Variants in EML6 observed in about 807,000 individuals in gnomAD.
EML6 encodes EMAP like 6.
In EML6, 154 loss-of-function variants were observed where a neutral mutation model predicts 240.1. The ratio of observed to expected loss-of-function variants is 0.64; its 90% CI spans 0.56 to 0.73. The LOEUF (loss-of-function observed/expected upper bound fraction) is 0.73. Among genes scored for constraint, EML6 ranks in the 30% least tolerant of loss-of-function variants. The pLI, the probability that EML6 is intolerant of heterozygous loss-of-function variation, is 0.00. For synonymous variants in EML6, 1,148 were observed against 899.0 expected, an observed-to-expected ratio of 1.28 and a Z score of -4.95; for missense variants, 2,964 against 2,474.6, an observed-to-expected ratio of 1.20 and a Z score of -4.20.
chr2:54,892,783 A>G (rs17417862), intron 19 of EML6, 127 bp downstream of exon 19: 218,578 of 679,428 alleles, frequency 0.32, 36,609 homozygotes, highest in Middle Eastern at 0.39. Context: ...TAGTTGTCAT[A>G]AAGCTCAGTC....
intron 7 of EML6, among the ~76,000 whole-genome samples, chr2:54,834,895 T>G (rs1360160806): frequency 5.3e-5 from 8 of 152,250 alleles, no homozygotes; most frequent in Non-Finnish European, 1.2e-4. Context: ...GCACAGCAGC[T>G]AGAGGGATTA....
At chr2:54,744,100 AAC>A (rs1462114217) in intron 2 of EML6, among the ~76,000 whole-genome samples, 3 of 147,380 alleles carry the variant, frequency 2.0e-5, no homozygotes, top group Admixed American at 1.4e-4. Flanking sequence ...ATTTACATTG[AAC>A]AATGGTAGTT....
intron 19 of EML6, among the ~76,000 whole-genome samples, chr2:54,892,872 C>T (rs967315619): frequency 3.9e-5 from 6 of 152,176 alleles, no homozygotes; most frequent in Non-Finnish European, 5.9e-5. Context: ...CTTCTCTGCA[C>T]TTTTTCCACA....
intron 16 of EML6, among the ~76,000 whole-genome samples, chr2:54,872,090 T>A (rs1284073346): frequency 3.3e-5 from 5 of 152,222 alleles, no homozygotes; most frequent in African/African-American, 1.2e-4. Flanking sequence ...CATTGGTATT[T>A]TGGAAATAAC....
intron 32 of EML6, 58 bp downstream of exon 32, chr2:54,954,214 T>C (rs4671999): frequency 0.69 from 1,020,289 of 1,468,432 alleles, 364,127 homozygotes; most frequent in Non-Finnish European, 0.74. Flanking sequence ...GTGTCGAGCC[T>C]GTGGGCTCGA....
At chr2:54,830,178 A>T (rs530310227) in intron 7 of EML6, among the ~76,000 whole-genome samples, 3 of 152,238 alleles carry the variant, frequency 2.0e-5, no homozygotes, top group Non-Finnish European at 4.4e-5. Flanking sequence ...TTCTCATGGT[A>T]GGCCTGTTAC....
At chr2:54,886,247 C>T (rs1265811047) in intron 17 of EML6, among the ~76,000 whole-genome samples, 2 of 145,162 alleles carry the variant, frequency 1.4e-5, no homozygotes, top group South Asian at 2.2e-4. Context: ...CCCACTGCAA[C>T]CTCTGCCTCC....
rs1671712732 is a variant in EML6, at chr2:54,879,627, A to T, written c.2425A>T (p.Ile809Leu). ...VFWDWKKGEK[I>L]ATTRGHKDKI... Reference sequence around the variant, plus strand: ...TTGGGACTGGAAAAAGGGAGAAAAGATAGCCACAACAAGGTAAGAAGCTGC... The same window carrying T: ...TTGGGACTGGAAAAAGGGAGAAAAGTTAGCCACAACAAGGTAAGAAGCTGC... The change falls in exon 17 of 42, where the codon ATA becomes TTA. Residue 809 changes from isoleucine to leucine, a missense_variant. Coordinates refer to ENST00000356458, the MANE Select transcript of EML6 (RefSeq NM_001039753.4). 2.6e-6 allele frequency: 4 copies of T among 1,549,766 alleles called. No homozygotes were observed. Among genetic ancestry groups the T allele is most frequent in the Admixed American group, 3.9e-5 (2 of 50,978 alleles).
At chr2:54,879,757 G>A in intron 17 of EML6, 117 bp downstream of exon 17, 1 of 688,670 alleles carries the variant, frequency 1.5e-6, no homozygotes, top group South Asian at 1.9e-5. Context: ...TGACGTAGAA[G>A]GCTTAGCACC....
chr2:54,725,058 T>G lies in EML6; in HGVS notation c.-4T>G. 1 of 1,516,250 alleles carries G rather than the reference T, an allele frequency of 6.6e-7. No individual in the cohort carries two copies. The highest frequency in any genetic ancestry group is 8.8e-7 in the Non-Finnish European group (1 of 1,132,720). 93.9% of individuals were successfully genotyped at this position (1,516,250 alleles called of 1,614,324 possible). On this transcript the variant is annotated 5_prime_UTR_variant, in exon 2 of 42. Transcript: ENST00000356458. This position sits in a 1 kb window ranked among gnomAD's most constrained non-coding sequence, Gnocchi z 4.3. The stretch of plus-strand genomic sequence containing the variant: ...GGGCGGGGGGCGCGCGGGGTCGGCT[T>G]ATCATGGCGGATCGGACGGCGCCCC...
At chr2:54,787,480 C>T (rs1272679609) in intron 2 of EML6, among the ~76,000 whole-genome samples, 3 of 152,188 alleles carry the variant, frequency 2.0e-5, no homozygotes, top group Non-Finnish European at 4.4e-5. Flanking sequence ...TCCTTAACCT[C>T]CGTGAGCCGC....
intron 28 of EML6, among the ~76,000 whole-genome samples, chr2:54,942,559 C>G (rs941997872): frequency 6.6e-6 from 1 of 152,128 alleles, no homozygotes; most frequent in South Asian, 2.1e-4. Context: ...TCAGGGTGCT[C>G]TTGTGGGTGT....
intron 38 of EML6, among the ~76,000 whole-genome samples, chr2:54,965,854 T>C (rs1676725738): frequency 6.6e-6 from 1 of 152,258 alleles, no homozygotes. Context: ...TTTTGGCTAA[T>C]GTTAATCCTA....
At chr2:54,775,453 C>T (rs1366019597) in intron 2 of EML6, among the ~76,000 whole-genome samples, 2 of 152,190 alleles carry the variant, frequency 1.3e-5, no homozygotes, top group African/African-American at 2.4e-5. Context: ...GGCTTACTCC[C>T]TCATTTTGTG....
intron 7 of EML6, among the ~76,000 whole-genome samples, chr2:54,831,102 G>C (rs1399819824): frequency 6.6e-6 from 1 of 152,042 alleles, no homozygotes; most frequent in African/African-American, 2.4e-5. Context: ...AAAAATGTTT[G>C]GTCCTGAACC....
At chr2:54,891,615 T>C (rs1400460252) in intron 18 of EML6, among the ~76,000 whole-genome samples, 1 of 152,168 alleles carries the variant, frequency 6.6e-6, no homozygotes, top group Admixed American at 6.5e-5. Flanking sequence ...TAATGATGAG[T>C]AAATAAGCAT....
At chr2:54,806,083 A>AT (rs1284203905) in intron 2 of EML6, among the ~76,000 whole-genome samples, 1 of 151,416 alleles carries the variant, frequency 6.6e-6, no homozygotes, top group Non-Finnish European at 1.5e-5. Context: ...TTTTGTTAAC[A>AT]TTTTTTCTGA....
Position 54,921,756 on chromosome 2 carries a change from A to T in EML6, c.3675+4821A>T, listed in dbSNP as rs117884144. 6.4e-4 allele frequency among the ~76,000 whole-genome samples: 98 copies of T among 152,246 alleles called. 1 individual carries two copies. The East Asian group carries it at 0.018, about 28-fold the overall frequency. The stretch of plus-strand genomic sequence containing the variant: ...CATAGACCAATGAAACAGAATAAAG[A>T]TGCCAGAAATATATCCATATATATT... On this transcript the variant is annotated intron_variant, in intron 26 of 41. Transcript: ENST00000356458.
Position 54,827,637 on chromosome 2 carries a change from C to T in EML6, c.597C>T (p.Thr199=). 1 of 1,551,628 alleles carries T rather than the reference C, an allele frequency of 6.4e-7. No individual in the cohort carries two copies. Among genetic ancestry groups the T allele is most frequent in the South Asian group, 1.2e-5 (1 of 84,068 alleles). Residue 199 remains threonine (T), a synonymous_variant, in exon 6 of 42, where the codon ACC becomes ACT. Coordinates refer to ENST00000356458, the MANE Select transcript of EML6 (RefSeq NM_001039753.4). ...GIFGKTGDLQ[T]ILCLACAKED... is the part of the protein sequence containing the mutation. The stretch of plus-strand genomic sequence containing the variant: ...TTGGCAAAACAGGGGATCTTCAGAC[C>T]ATCCTTTGCCTTGCATGTGCCAAAG...
Sources: gnomAD v4.1 joint callset for allele counts (sites outside exome capture counted in the v4.1 genomes callset) on GRCh38, gnomAD v4.1.1 for gene constraint, Gnocchi (gnomAD v3.1) non-coding constraint, MANE v1.5 for transcripts, NCBI Gene and HGNC (gene_info 2026-07-23, HGNC 2026-07-21) for gene names.